ETV1: variants seen among roughly 807,000 people sequenced by gnomAD.
The protein encoded by ETV1 is ETS variant transcription factor 1, also known as ETS translocation variant 1.
A neutral mutation model predicts 62.3 loss-of-function variants in ETV1; 27 were observed. The observed-to-expected ratio is 0.43, with a 90% CI of 0.32 to 0.60. The LOEUF (loss-of-function observed/expected upper bound fraction) is 0.60. Ranked by LOEUF, ETV1 falls within the 20% of genes least tolerant of loss-of-function variation. The pLI, the probability that ETV1 is intolerant of heterozygous loss-of-function variation, is 0.06. For synonymous variants in ETV1, 222 were observed against 199.6 expected, an observed-to-expected ratio of 1.11 and a Z score of -0.94; for missense variants, 605 against 605.8, an observed-to-expected ratio of 1.00 and a Z score of 0.01.
chr7:13,978,419 G>A (rs1023892121), intron 5 of ETV1, among the ~76,000 whole-genome samples: 7 of 144,642 alleles, frequency 4.8e-5, no homozygotes, highest in South Asian at 2.2e-4. Flanking sequence ...ACACACACAC[G>A]CCCAAAAAAT....
intron 6 of ETV1, among the ~76,000 whole-genome samples, chr7:13,969,999 G>T (rs186084658): frequency 6.6e-6 from 1 of 152,192 alleles, no homozygotes. Context: ...GCTCACGCCT[G>T]TAATCCCAGC....
intron 6 of ETV1, among the ~76,000 whole-genome samples, chr7:13,941,185 A>T (rs922835765): frequency 2.6e-5 from 4 of 152,206 alleles, no homozygotes; most frequent in Admixed American, 2.6e-4. Context: ...CTCAAGAATC[A>T]ATTATGAGGA....
chr7:13,954,844 A>C (rs964585734), intron 6 of ETV1, among the ~76,000 whole-genome samples: 1 of 152,214 alleles, frequency 6.6e-6, no homozygotes, highest in Non-Finnish European at 1.5e-5. Context: ...AGACAATCAA[A>C]GCTGAAAATA....
At chr7:13,961,689 G>T (rs528453013) in intron 6 of ETV1, among the ~76,000 whole-genome samples, 1 of 152,228 alleles carries the variant, frequency 6.6e-6, no homozygotes, top group African/African-American at 2.4e-5. Flanking sequence ...GGGTGTCCTT[G>T]ATTGGCCAGA....
intron 3 of ETV1, chr7:13,988,686 C>A (rs1269681958): frequency 6.2e-7 from 1 of 1,608,044 alleles, no homozygotes; most frequent in Non-Finnish European, 8.5e-7. Context: ...CAACTTCATT[C>A]TTTTCAATGT....
At chr7:13,990,114 T>C (rs2073533), upstream of ETV1, among the ~76,000 whole-genome samples, 104,627 of 151,968 alleles carry the variant, frequency 0.69, 36,160 homozygotes, top group Admixed American at 0.73. Context: ...ATCTCCAACC[T>C]CTCTACTCTT....
intron 8 of ETV1, among the ~76,000 whole-genome samples, chr7:13,932,078 A>C (rs1786255167): frequency 6.6e-6 from 1 of 151,484 alleles, no homozygotes; most frequent in South Asian, 2.1e-4. Context: ...ACAACGATTA[A>C]TGGCTAAAAT....
Position 13,893,522 on chromosome 7 carries a change from C to T in ETV1, c.*2344G>A, listed in dbSNP as rs1781524143. 4.3e-6 allele frequency: 1 copy of T among 231,394 alleles called. No individual in the cohort carries two copies. Among genetic ancestry groups the T allele is most frequent in the Non-Finnish European group, 8.5e-6 (1 of 117,128 alleles). 14.3% of individuals were successfully genotyped at this position (231,394 alleles called of 1,614,324 possible). A position where few individuals can be genotyped will look rare whatever the true frequency, so the allele number is the denominator to read the frequency against. ...GTCCTTAAATATTATATAACTAATA[C>T]CATTTCTGCCATTGTTCTCTTGTGA... On this transcript the variant is annotated 3_prime_UTR_variant, in exon 14 of 14. Transcript: ENST00000430479.
At chr7:13,923,480 C>G (rs182463968) in intron 9 of ETV1, among the ~76,000 whole-genome samples, 1 of 152,242 alleles carries the variant, frequency 6.6e-6, no homozygotes. Flanking sequence ...ATGTGAATAG[C>G]AGATAGATTT....
At chr7:13,901,399 A>G (rs1782408501) in intron 12 of ETV1, among the ~76,000 whole-genome samples, 1 of 152,216 alleles carries the variant, frequency 6.6e-6, no homozygotes, top group Admixed American at 6.5e-5. Flanking sequence ...ATTAAATGGA[A>G]ATAAGGAAAT....
At chr7:13,899,272 G>C (rs1782160467) in intron 13 of ETV1, among the ~76,000 whole-genome samples, 1 of 152,218 alleles carries the variant, frequency 6.6e-6, no homozygotes, top group African/African-American at 2.4e-5. Flanking sequence ...GGAGGAATTA[G>C]AAATGACCCC....
intron 13 of ETV1, 96 bp downstream of exon 13, chr7:13,900,642 C>T (rs1274835703): frequency 3.6e-6 from 3 of 833,260 alleles, no homozygotes; most frequent in African/African-American, 1.7e-5. Context: ...GTGAAAAACT[C>T]GCTTCAGCAA....
chr7:13,930,329 AT>A (rs936976462), intron 9 of ETV1, among the ~76,000 whole-genome samples: 48 of 150,298 alleles, frequency 3.2e-4, no homozygotes, highest in African/African-American at 1.1e-3. Context: ...TGGAAAAAAA[AT>A]TTTTTTTTTG....
chr7:13,917,706 T>C (rs965053720), intron 9 of ETV1, among the ~76,000 whole-genome samples: 5 of 151,792 alleles, frequency 3.3e-5, no homozygotes, highest in African/African-American at 9.7e-5. Flanking sequence ...GGCTCACGCC[T>C]GTAATCCCAG....
chr7:13,918,874 T>TAAAAAAAA (rs370489670), intron 9 of ETV1, among the ~76,000 whole-genome samples: 2 of 141,658 alleles, frequency 1.4e-5, no homozygotes, highest in African/African-American at 2.6e-5. Flanking sequence ...TAAAGTATAA[T>TAAAAAAAA]AAAAAAAAAA....
At chr7:13,953,346 C>T (rs1326675857) in intron 6 of ETV1, among the ~76,000 whole-genome samples, 1 of 152,180 alleles carries the variant, frequency 6.6e-6, no homozygotes, top group Non-Finnish European at 1.5e-5. Context: ...ACCTCTTCTA[C>T]AGAAATTGTC....
In ETV1 at chr7:13,989,454, A is replaced by C. The variant is rs1782858967; in HGVS notation, c.-274T>G. 1.2e-5 allele frequency: 5 copies of C among 419,882 alleles called. No individual in the cohort carries two copies. The highest frequency in any genetic ancestry group is 2.1e-5 in the Non-Finnish European group (5 of 239,772). 26.0% of individuals were successfully genotyped at this position (419,882 alleles called of 1,614,324 possible). A position where few individuals can be genotyped will look rare whatever the true frequency, so the allele number is the denominator to read the frequency against. On this transcript the variant is annotated 5_prime_UTR_variant, in exon 2 of 14. Transcript: ENST00000430479. ...TGGCGATCAACGAGACTTGCTTTGC[A>C]CCTAACGGGACTAAAGAGACGGAGA...
At chr7:13,928,617 A>C (rs542603979) in intron 9 of ETV1, among the ~76,000 whole-genome samples, 2 of 152,140 alleles carry the variant, frequency 1.3e-5, no homozygotes, top group African/African-American at 4.8e-5. Context: ...CATCTCAAAA[A>C]AAAAGAGAAG....
At chr7:13,953,671 T>TAAA (rs547636006) in intron 6 of ETV1, among the ~76,000 whole-genome samples, 7 of 128,546 alleles carry the variant, frequency 5.4e-5, no homozygotes, top group Admixed American at 4.9e-4. Flanking sequence ...AAGAACATGT[T>TAAA]AAAAAAAAAA....
Sources: gnomAD v4.1 joint callset for allele counts (sites outside exome capture counted in the v4.1 genomes callset) on GRCh38, gnomAD v4.1.1 for gene constraint, MANE v1.5 for transcripts, NCBI Gene and HGNC (gene_info 2026-07-23, HGNC 2026-07-21) for gene names.